The following MLLT3 variants were observed in gnomAD, a reference collection of about 807,000 sequenced individuals.
The protein encoded by MLLT3 is MLLT3 super elongation complex subunit.
In MLLT3, 4 loss-of-function variants were observed where a neutral mutation model predicts 53.2. The ratio of observed to expected loss-of-function variants is 0.08; its 90% CI spans 0.04 to 0.17. The LOEUF is 0.17. Ranked by LOEUF, MLLT3 falls within the 10% of genes least tolerant of loss-of-function variation. The pLI, the probability that MLLT3 is intolerant of heterozygous loss-of-function variation, is 1.00. For synonymous variants in MLLT3, 283 were observed against 230.6 expected (o/e 1.23, Z -2.06); for missense variants, 569 against 684.0 (o/e 0.83, Z 1.87).
chr9:20,529,051 C>T (rs1013797342), intron 2 of MLLT3, among the ~76,000 whole-genome samples: 1 of 152,164 alleles, frequency 6.6e-6, no homozygotes, highest in African/African-American at 2.4e-5. Context: ...GTAGTGAGAG[C>T]CTGGATCAGG....
At chr9:20,460,419 T>C (rs1824078509) in intron 2 of MLLT3, among the ~76,000 whole-genome samples, 1 of 152,244 alleles carries the variant, frequency 6.6e-6, no homozygotes, top group Non-Finnish European at 1.5e-5. Flanking sequence ...TGTTCTATTA[T>C]ATGCATATGC....
chr9:20,370,322 A>T (rs2118666013), intron 5 of MLLT3, among the ~76,000 whole-genome samples: 1 of 152,284 alleles, frequency 6.6e-6, no homozygotes, highest in Non-Finnish European at 1.5e-5. Context: ...GGGACACCAC[A>T]AACCGCACCC....
At chr9:20,350,370 C>A (rs1023296932) in intron 10 of MLLT3, among the ~76,000 whole-genome samples, 3 of 151,970 alleles carry the variant, frequency 2.0e-5, no homozygotes, top group Admixed American at 1.3e-4. Flanking sequence ...CCAAGGCGGG[C>A]GGATCACGAG....
chr9:20,468,821 T>A (rs1410101611), intron 2 of MLLT3, among the ~76,000 whole-genome samples: 1 of 152,210 alleles, frequency 6.6e-6, no homozygotes, highest in Non-Finnish European at 1.5e-5. Flanking sequence ...ATTTTTTCAT[T>A]ATCTTTGTTT....
chr9:20,469,503 G>T (rs1824320842), intron 2 of MLLT3, among the ~76,000 whole-genome samples: 1 of 152,030 alleles, frequency 6.6e-6, no homozygotes, highest in Admixed American at 6.5e-5. Flanking sequence ...TTCCAGAACA[G>T]CGTGCCCATA....
At chr9:20,535,315 C>G (rs1033529452) in intron 2 of MLLT3, among the ~76,000 whole-genome samples, 1 of 152,164 alleles carries the variant, frequency 6.6e-6, no homozygotes, top group Admixed American at 6.5e-5. Flanking sequence ...ACCATCCCCC[C>G]ACCCCATCCA....
Position 20,413,834 on chromosome 9 carries a change from C to G in MLLT3, c.1012G>C (p.Val338Leu), listed in dbSNP as rs766266404. ...TCTGATGTCTCACTTTCAATTTTGA[C>G]CTTTCCCATCTTGACATGAGATTTA... ...KDKSHVKMGK[V>L]KIESETSEKK... The change falls in exon 5 of 11, where the codon GTC becomes CTC. Residue 338 changes from valine to leucine, a missense_variant. Around this residue, in one of 5 missense-constraint regions of MLLT3, gnomAD observed 437 missense variants for 376.5 expected, o/e 1.16. Transcript: ENST00000380338. The G allele has an allele frequency of 1.2e-6, 2 of 1,613,948 alleles. No homozygotes were observed. Among genetic ancestry groups the G allele is most frequent in the Non-Finnish European group, 1.7e-6 (2 of 1,180,014 alleles).
At chr9:20,354,977 T>A (rs1821133747) in intron 8 of MLLT3, 98 bp from the exon 9 acceptor site, 1 of 708,992 alleles carries the variant, frequency 1.4e-6, no homozygotes, top group East Asian at 2.6e-5. Flanking sequence ...AAATGTACAG[T>A]AACATTTGCT....
chr9:20,483,864 C>T (rs540458183), intron 2 of MLLT3, among the ~76,000 whole-genome samples: 19 of 111,584 alleles, frequency 1.7e-4, no homozygotes, highest in African/African-American at 6.3e-4. Context: ...CCCAGCACCA[C>T]GCAAGTCTAA....
At chr9:20,538,317 C>T (rs1000763103) in intron 2 of MLLT3, among the ~76,000 whole-genome samples, 1 of 152,134 alleles carries the variant, frequency 6.6e-6, no homozygotes, top group African/African-American at 2.4e-5. Context: ...ACAGATAAGG[C>T]AATTGAAACA....
Position 20,380,846 on chromosome 9 carries a change from A to C in MLLT3, c.1126-15102T>G, listed in dbSNP as rs1563943842. ...GCTGGAAACTTGAAAGTCAAATTAG[A>C]CTGGAAAGTGCTGTTTTCTTATAAA... On this transcript the variant is annotated intron_variant, in intron 5 of 10. Transcript: ENST00000380338. 2.0e-5 allele frequency among the ~76,000 whole-genome samples: 3 copies of C among 151,958 alleles called. No homozygotes were observed. In the East Asian group the frequency reaches 5.8e-4, roughly 29 times the overall value.
rs77813229 is a variant in MLLT3, at chr9:20,379,457, T to C, written c.1126-13713A>G. On this transcript the variant is annotated intron_variant, in intron 5 of 10. Coordinates refer to ENST00000380338, the MANE Select transcript of MLLT3 (RefSeq NM_004529.4). ...ATTTAGAATAAAGACACTGGATTCATCATCTTGAATTTTCTCTAGCCCTAA... is the reference window on the plus strand; with the variant it reads ...ATTTAGAATAAAGACACTGGATTCACCATCTTGAATTTTCTCTAGCCCTAA... Among the ~76,000 whole-genome samples the C allele has an allele frequency of 3.0e-3, 449 of 152,156 alleles. 2 individuals are homozygous for C. Among genetic ancestry groups the C allele is most frequent in the African/African-American group, 0.01 (424 of 41,564 alleles).
intron 2 of MLLT3, among the ~76,000 whole-genome samples, chr9:20,585,632 T>C (rs2131179309): frequency 6.6e-6 from 1 of 152,356 alleles, no homozygotes; most frequent in African/African-American, 2.4e-5. Context: ...ATCATTGTTT[T>C]TGTTAATTTG....
intron 5 of MLLT3, among the ~76,000 whole-genome samples, chr9:20,384,629 T>C (rs1006380531): frequency 2.6e-5 from 4 of 152,086 alleles, no homozygotes; most frequent in African/African-American, 4.8e-5. Flanking sequence ...TGGATAATTA[T>C]ATTAGTATCA....
intron 1 of MLLT3, 113 bp downstream of exon 1, chr9:20,622,132 C>G: frequency 1.6e-6 from 2 of 1,256,856 alleles, no homozygotes; most frequent in Non-Finnish European, 2.2e-6. Flanking sequence ...CAAGCCGTAC[C>G]AACCTTTCTC....
At position 20,363,479 on chromosome 9, in the gene MLLT3, C is replaced by A. The variant is rs768704569; in HGVS notation, c.1328G>T (p.Arg443Leu). 1.9e-6 allele frequency: 3 copies of A among 1,613,508 alleles called. No homozygotes were observed. Among genetic ancestry groups the A allele is most frequent in the South Asian group, 1.1e-5 (1 of 90,958 alleles). The change falls in exon 7 of 11, where the codon CGC becomes CTC. Residue 443 changes from arginine (R) to leucine (L), a missense_variant. Arg to Leu is a moderately radical substitution (Grantham distance 102, BLOSUM62 -2). Coordinates refer to ENST00000380338, the MANE Select transcript of MLLT3 (RefSeq NM_004529.4). ...RPVNRGGSRS[R>L]RVSLSDGSDS... is the part of the protein sequence containing the mutation. Reference sequence around the variant, plus strand: ...CCTTTCCTTCCAAGATACTCACCTGCGACTTCGGCTGCCTCCTCTATTTAC... The same window carrying A: ...CCTTTCCTTCCAAGATACTCACCTGAGACTTCGGCTGCCTCCTCTATTTAC...
chr9:20,342,057 T>C lies in MLLT3; in HGVS notation c.*4386A>G, dbSNP rs10964539. ...GGACACATTGTCCTCTCTCTGGATGTCTCAGATCTCCCCATCTATTCTTCT... is the reference window on the plus strand; with the variant it reads ...GGACACATTGTCCTCTCTCTGGATGCCTCAGATCTCCCCATCTATTCTTCT... On this transcript the variant is annotated 3_prime_UTR_variant, in exon 11 of 11. Coordinates refer to ENST00000380338, the MANE Select transcript of MLLT3 (RefSeq NM_004529.4). 25,586 of 210,616 alleles carry C rather than the reference T, an allele frequency of 0.12. 1,711 individuals are homozygous for C. The highest frequency in any genetic ancestry group is 0.15 in the Non-Finnish European group (15,465 of 103,812). 13.0% of individuals were successfully genotyped at this position (210,616 alleles called of 1,614,324 possible).
At chr9:20,401,803 TTATAA>T (rs1176144682) in intron 5 of MLLT3, among the ~76,000 whole-genome samples, 1 of 152,174 alleles carries the variant, frequency 6.6e-6, no homozygotes, top group Non-Finnish European at 1.5e-5. Flanking sequence ...CATGTTACTG[TTATAA>T]TAAAATAAAC....
intron 2 of MLLT3, among the ~76,000 whole-genome samples, chr9:20,538,847 A>G (rs1818552088): frequency 6.6e-6 from 1 of 152,252 alleles, no homozygotes; most frequent in South Asian, 2.1e-4. Context: ...CAATAAAGCA[A>G]GTCAAGTAAA....
Sources: allele counts gnomAD v4.1 joint callset (sites outside exome capture counted in the v4.1 genomes callset), GRCh38; gene constraint gnomAD v4.1.1; regional missense constraint gnomAD v4.1.1; transcripts MANE v1.5; gene names NCBI Gene and HGNC (gene_info 2026-07-23, HGNC 2026-07-21).